Variants in YBX3 observed in about 807,000 individuals in gnomAD.
YBX3 encodes the protein Y-box binding protein 3.
YBX3 carries 29 observed loss-of-function variants against 42.4 expected under a neutral mutation model. That is an observed-to-expected ratio of 0.68 (90% CI 0.51 to 0.93). The LOEUF is 0.93. YBX3 is among the 40% of genes least tolerant of loss of function. YBX3 has a pLI of 0.00. For synonymous variants in YBX3, 195 were observed against 189.8 expected, an observed-to-expected ratio of 1.03 and a Z score of -0.22; for missense variants, 517 against 527.5, an observed-to-expected ratio of 0.98 and a Z score of 0.19.
At chr12:10,718,266 A>G (rs540310140) in intron 2 of YBX3, 145 bp from the exon 3 acceptor site, 3 of 658,938 alleles carry the variant, frequency 4.6e-6, no homozygotes, top group Admixed American at 6.0e-5. Flanking sequence ...TCAGACACCT[A>G]AAATCCTTGT....
intron 6 of YBX3, among the ~76,000 whole-genome samples, chr12:10,708,318 A>AT (rs11331679): frequency 0.19 from 28,851 of 150,686 alleles, 3,418 homozygotes; most frequent in Non-Finnish European, 0.28. Context: ...ATATATTCCT[A>AT]TTTTTTTTTT....
At chr12:10,712,649 G>A (rs1436867066) in intron 5 of YBX3, 1 of 152,096 alleles carries the variant, frequency 6.6e-6, no homozygotes, top group East Asian at 1.9e-4. Context: ...CGGCACCAAA[G>A]AATGAACAAC....
intron 6 of YBX3, among the ~76,000 whole-genome samples, chr12:10,705,614 T>TGGTATCTG (rs1591574678): frequency 6.6e-6 from 1 of 152,202 alleles, no homozygotes; most frequent in African/African-American, 2.4e-5. Flanking sequence ...GTGGTTAAGG[T>TGGTATCTG]GGTATCTGCC....
intron 6 of YBX3, among the ~76,000 whole-genome samples, chr12:10,708,185 G>T (rs1206474132): frequency 1.3e-5 from 2 of 152,148 alleles, no homozygotes; most frequent in Non-Finnish European, 2.9e-5. Context: ...TAGTAGCTCA[G>T]TGAATGATTC....
In YBX3 at chr12:10,707,171, A is replaced by G. The variant is rs187398021; in HGVS notation, c.780+2737T>C. Among the ~76,000 whole-genome samples the G allele has an allele frequency of 9.6e-3, 1,458 of 152,006 alleles. 20 individuals carry two copies. The highest frequency in any genetic ancestry group is 0.033 in the African/African-American group (1,361 of 41,420). On this transcript the variant is annotated intron_variant, in intron 6 of 9. Coordinates refer to ENST00000228251, the MANE Select transcript of YBX3 (RefSeq NM_003651.5). ...TCTCTTCTCAAATACAACTTAATGA[A>G]CTCCCAAAAATGTTGTCAACCACTG...
chr12:10,699,676 CTT>C (rs1565583995), intron 9 of YBX3, 22 bp from the exon 10 acceptor site: 1 of 152,438 alleles, frequency 6.6e-6, no homozygotes, highest in Non-Finnish European at 1.5e-5. Context: ...TAAAATCAAA[CTT>C]ATAAAGAGTG....
At chr12:10,721,915 T>G (rs967745086) in intron 1 of YBX3, 2 of 152,236 alleles carry the variant, frequency 1.3e-5, no homozygotes, top group African/African-American at 4.8e-5. Context: ...GGGCGTTACT[T>G]ACGAAAAGAA....
At chr12:10,710,632 A>G in intron 5 of YBX3, 1 of 1,201,000 alleles carries the variant, frequency 8.3e-7, no homozygotes, top group Non-Finnish European at 1.1e-6. Flanking sequence ...TATTGCCATA[A>G]TATTACTAAG....
chr12:10,704,640 C>G lies in YBX3; in HGVS notation c.781-492G>C, dbSNP rs769649395. On this transcript the variant is annotated intron_variant, in intron 6 of 9. Transcript: ENST00000228251. ...TTTTCTCAAAACATCCCTTCCTCCC[C>G]CTAAGAGCCAAATACTGTCCTTCAT... Among the ~76,000 whole-genome samples, 8 of 134,232 alleles carry G rather than the reference C, an allele frequency of 6.0e-5. No homozygotes were observed. The East Asian group carries it at 1.2e-3, about 20-fold the overall frequency. The allele number at this position is 134,232 out of a possible 152,430, so 88.1% of individuals were successfully genotyped here. A position where few individuals can be genotyped will look rare whatever the true frequency, so the allele number is the denominator to read the frequency against.
chr12:10,713,409 A>G (rs1565590086), intron 4 of YBX3, 76 bp from the exon 5 acceptor site: 30 of 1,525,580 alleles, frequency 2.0e-5, no homozygotes, highest in Non-Finnish European at 1.7e-5. Flanking sequence ...TTGGACTGCT[A>G]GAGTATAAGA....
intron 1 of YBX3, among the ~76,000 whole-genome samples, chr12:10,720,108 T>C: frequency 6.6e-6 from 1 of 152,104 alleles, no homozygotes. Context: ...AACCTGATAA[T>C]AGATTACCTT....
chr12:10,718,627 T>C (rs887865966), intron 2 of YBX3, among the ~76,000 whole-genome samples: 2 of 152,194 alleles, frequency 1.3e-5, no homozygotes, highest in Non-Finnish European at 2.9e-5. Flanking sequence ...CAGCATCTTG[T>C]AGTTATGTTC....
At chr12:10,715,395 A>C (rs1223203198) in intron 4 of YBX3, among the ~76,000 whole-genome samples, 1 of 151,828 alleles carries the variant, frequency 6.6e-6, no homozygotes, top group Non-Finnish European at 1.5e-5. Flanking sequence ...AAAATACAAA[A>C]ATTAGCCGGG....
At chr12:10,704,772 C>T (rs1312465876) in intron 6 of YBX3, among the ~76,000 whole-genome samples, 3 of 152,148 alleles carry the variant, frequency 2.0e-5, no homozygotes, top group Non-Finnish European at 2.9e-5. Context: ...CTCCCATTAC[C>T]CTGGGTAAGT....
intron 5 of YBX3, chr12:10,711,932 A>T (rs1306025193): frequency 6.6e-6 from 1 of 152,214 alleles, no homozygotes; most frequent in Non-Finnish European, 1.5e-5. Context: ...ACTCTGATGA[A>T]CTTCAAAGAG....
Position 10,702,000 on chromosome 12 carries a change from CGACGCCGGTAATTGTAGG to C in YBX3, c.995_1012del (p.Pro332_Arg337del). On this transcript the variant is annotated inframe_deletion, in exon 8 of 10. Transcript: ENST00000228251. The stretch of plus-strand genomic sequence containing the variant: ...TGAAGGAGCGTTAGGAGGACGCGGG[CGACGCCGGTAATTGTAGG>C]GACGCCGGTATCCACGGCGAACAGA... 1 of 1,613,806 alleles carries C rather than the reference CGACGCCGGTAATTGTAGG, an allele frequency of 6.2e-7. No individual in the cohort carries two copies. Among genetic ancestry groups the C allele is most frequent in the Middle Eastern group, 1.7e-4 (1 of 5,972 alleles).
At chr12:10,715,858 C>A in intron 3 of YBX3, 75 bp from the exon 4 acceptor site, 1 of 1,241,576 alleles carries the variant, frequency 8.1e-7, no homozygotes, top group Admixed American at 1.8e-5. Flanking sequence ...TTCAAGTACA[C>A]CAGAGTGAAC....
chr12:10,721,426 C>CCTAA (rs1430501457), intron 1 of YBX3, among the ~76,000 whole-genome samples: 1 of 152,218 alleles, frequency 6.6e-6, no homozygotes, highest in Admixed American at 6.5e-5. Context: ...ACAATGTTAT[C>CCTAA]CTAACACTGC....
chr12:10,722,129 G>C (rs1414911451), intron 1 of YBX3: 2 of 152,294 alleles, frequency 1.3e-5, no homozygotes, highest in Non-Finnish European at 2.9e-5. Flanking sequence ...TCCGGGAAGA[G>C]GGAAGCGTGT....
Sources: gnomAD v4.1 joint callset for allele counts (sites outside exome capture counted in the v4.1 genomes callset) on GRCh38, gnomAD v4.1.1 for gene constraint, MANE v1.5 for transcripts, NCBI Gene and HGNC (gene_info 2026-07-23, HGNC 2026-07-21) for gene names.